The following ITGA9 variants were observed in gnomAD, a reference collection of about 807,000 sequenced individuals.
The protein encoded by ITGA9 is integrin subunit alpha 9.
ITGA9 carries 56 observed loss-of-function variants against 127.8 expected under a neutral mutation model. That is an observed-to-expected ratio of 0.44 (90% CI 0.35 to 0.55). The LOEUF is 0.55. Among genes scored for constraint, ITGA9 ranks in the 20% least tolerant of loss-of-function variants. The probability of loss-of-function intolerance (pLI) is 0.00; values close to 1 mark genes in which losing one functional copy is unlikely to be tolerated. For synonymous variants in ITGA9, 508 were observed against 514.5 expected (o/e 0.99, Z 0.17); for missense variants, 1,196 against 1,347.1 (o/e 0.89, Z 1.76).
At chr3:37,748,802 C>A (rs1010859080) in intron 22 of ITGA9, 2 of 742,320 alleles carry the variant, frequency 2.7e-6, no homozygotes, top group Non-Finnish European at 4.8e-6. Flanking sequence ...CTGGGTCCAA[C>A]TGAAGCACCA....
intron 15 of ITGA9, among the ~76,000 whole-genome samples, chr3:37,564,521 T>G (rs1575151472): frequency 6.6e-6 from 1 of 152,234 alleles, no homozygotes; most frequent in East Asian, 1.9e-4. Flanking sequence ...AGCTGGATTT[T>G]TAACAGCCTT....
At chr3:37,746,510 C>T (rs1313105325) in intron 22 of ITGA9, among the ~76,000 whole-genome samples, 3 of 152,212 alleles carry the variant, frequency 2.0e-5, no homozygotes, top group Admixed American at 2.0e-4. Flanking sequence ...AGTATAAAGA[C>T]ATTTGTTAAA....
intron 27 of ITGA9, among the ~76,000 whole-genome samples, chr3:37,811,843 C>G (rs1304103139): frequency 6.6e-6 from 1 of 152,232 alleles, no homozygotes; most frequent in South Asian, 2.1e-4. Flanking sequence ...TTTGCCAGCC[C>G]TCTGAAAAGG....
intron 4 of ITGA9, among the ~76,000 whole-genome samples, chr3:37,493,074 C>T (rs183057377): frequency 1.4e-4 from 21 of 147,984 alleles, no homozygotes; most frequent in Admixed American, 9.3e-4. Flanking sequence ...CCGGACAAGG[C>T]GGGAGAACTG....
chr3:37,542,713 T>C (rs991967806), intron 15 of ITGA9, 128 bp downstream of exon 15: 1 of 921,478 alleles, frequency 1.1e-6, no homozygotes, highest in Non-Finnish European at 1.7e-6. Flanking sequence ...GGGAGGAGCA[T>C]ATCCATTTCT....
intron 4 of ITGA9, among the ~76,000 whole-genome samples, chr3:37,490,969 C>CCT (rs1307012168): frequency 1.3e-4 from 18 of 134,424 alleles, no homozygotes; most frequent in East Asian, 2.6e-4. Flanking sequence ...TTTGGCTTCC[C>CCT]CCCCGCTTTT....
intron 15 of ITGA9, among the ~76,000 whole-genome samples, chr3:37,615,553 C>T (rs1183036307): frequency 1.3e-5 from 2 of 152,202 alleles, no homozygotes; most frequent in Non-Finnish European, 2.9e-5. Flanking sequence ...CCCAGCTCCT[C>T]CTTGTACCTC....
intron 18 of ITGA9, among the ~76,000 whole-genome samples, chr3:37,709,631 G>T (rs1701055456): frequency 6.6e-6 from 1 of 152,236 alleles, no homozygotes; most frequent in Non-Finnish European, 1.5e-5. Context: ...TGTGACTGAG[G>T]CTCACCATGG....
rs114572196 is a variant in ITGA9, at chr3:37,456,349, G to A, written c.185+3790G>A. Among the ~76,000 whole-genome samples the A allele has an allele frequency of 2.3e-3, 348 of 152,228 alleles. 4 individuals carry two copies. The highest frequency in any genetic ancestry group is 7.6e-3 in the African/African-American group (317 of 41,528). ...GCTCCCACTCCCTGAGTCTTCTGGCGTCCTTTGAACAACAACAGTAAGTGC... is the reference window on the plus strand; with the variant it reads ...GCTCCCACTCCCTGAGTCTTCTGGCATCCTTTGAACAACAACAGTAAGTGC... On this transcript the variant is annotated intron_variant, in intron 1 of 27. Transcript: ENST00000264741.
chr3:37,793,458 T>G (rs991112270), intron 26 of ITGA9, among the ~76,000 whole-genome samples: 3 of 147,580 alleles, frequency 2.0e-5, no homozygotes, highest in Admixed American at 6.8e-5. Flanking sequence ...ATCACACCCC[T>G]GCAGCACTGT....
chr3:37,783,311 A>G (rs189044438), intron 25 of ITGA9, among the ~76,000 whole-genome samples: 43 of 152,024 alleles, frequency 2.8e-4, no homozygotes, highest in Non-Finnish European at 5.9e-5. Context: ...ATTAATATCC[A>G]AGTTTATTTT....
At chr3:37,538,406 T>G (rs969810726) in intron 14 of ITGA9, among the ~76,000 whole-genome samples, 3 of 152,170 alleles carry the variant, frequency 2.0e-5, no homozygotes, top group Non-Finnish European at 4.4e-5. Flanking sequence ...GCTGATCAGC[T>G]TTTCCATCAC....
chr3:37,705,960 C>T (rs989949980), intron 18 of ITGA9, among the ~76,000 whole-genome samples: 5 of 152,206 alleles, frequency 3.3e-5, no homozygotes, highest in African/African-American at 1.2e-4. Context: ...CATGTGGTAT[C>T]TTCCTTTTCT....
At chr3:37,651,983 C>G (rs1025080359) in intron 16 of ITGA9, among the ~76,000 whole-genome samples, 1 of 152,178 alleles carries the variant, frequency 6.6e-6, no homozygotes, top group Non-Finnish European at 1.5e-5. Flanking sequence ...ACCTCTACCC[C>G]TTCACCTCTC....
intron 27 of ITGA9, among the ~76,000 whole-genome samples, chr3:37,804,286 G>C (rs1463388189): frequency 6.6e-6 from 1 of 152,196 alleles, no homozygotes; most frequent in Non-Finnish European, 1.5e-5. Flanking sequence ...AAAAAGATCA[G>C]AAGGCGAACT....
intron 18 of ITGA9, among the ~76,000 whole-genome samples, chr3:37,690,165 G>T (rs1466670351): frequency 6.6e-6 from 1 of 152,222 alleles, no homozygotes; most frequent in Non-Finnish European, 1.5e-5. Flanking sequence ...CAGAGCTAGG[G>T]TGGGTGGAAT....
chr3:37,589,604 G>A (rs1475763335), intron 15 of ITGA9, among the ~76,000 whole-genome samples: 3 of 152,150 alleles, frequency 2.0e-5, no homozygotes, highest in South Asian at 2.1e-4. Flanking sequence ...CATGAAAGAG[G>A]TTTTTAATCA....
intron 26 of ITGA9, among the ~76,000 whole-genome samples, chr3:37,801,820 C>T (rs909841960): frequency 6.6e-6 from 1 of 152,120 alleles, no homozygotes; most frequent in Non-Finnish European, 1.5e-5. Flanking sequence ...TCCTGTCTTG[C>T]GGATGAGAAA....
intron 3 of ITGA9, among the ~76,000 whole-genome samples, chr3:37,477,913 ATT>A (rs201494641): frequency 0.15 from 19,028 of 130,094 alleles, 1,222 homozygotes; most frequent in Middle Eastern, 0.23. Flanking sequence ...CCATCTGTCC[ATT>A]TTTTTTTTTC....
Sources: gnomAD v4.1 joint callset for allele counts (sites outside exome capture counted in the v4.1 genomes callset) on GRCh38, gnomAD v4.1.1 for gene constraint, MANE v1.5 for transcripts, NCBI Gene and HGNC (gene_info 2026-07-23, HGNC 2026-07-21) for gene names.